The following ASXL1 variants were observed in gnomAD, a reference collection of about 807,000 sequenced individuals.
ASXL1 encodes the protein polycomb group protein ASXL1.
ASXL1 carries 65 observed loss-of-function variants against 89.1 expected under a neutral mutation model. The ratio of observed to expected loss-of-function variants is 0.73; its 90% CI spans 0.60 to 0.90. The LOEUF (loss-of-function observed/expected upper bound fraction) is 0.90, where lower values mean the gene tolerates loss of function less well. ASXL1 is among the 40% of genes least tolerant of loss of function. The pLI, the probability that ASXL1 is intolerant of heterozygous loss-of-function variation, is 0.00. For synonymous variants in ASXL1, 739 were observed against 746.9 expected (o/e 0.99, Z 0.17); for missense variants, 1,786 against 1,942.9 (o/e 0.92, Z 1.52).
chr20:32,382,122 ATTTTTATTTTTTAT>A (rs1054497690), intron 4 of ASXL1, among the ~76,000 whole-genome samples: 2 of 151,400 alleles, frequency 1.3e-5, no homozygotes, highest in African/African-American at 2.4e-5. Flanking sequence ...AGGCCTGGCT[ATTTTTATTTTTTAT>A]TTTTTATTTT....
At position 32,418,809 on chromosome 20, in the gene ASXL1, C is replaced by CTTTTTTTTTTTTTTT. The variant is rs71338437; in HGVS notation, c.253-9292_253-9278dup. ...AAATCAAAATGGGAAGAATTGACAT[C>CTTTTTTTTTTTTTTT]TTTTTTTTTTTTTTTTTTTTTTTTT... On this transcript the variant is annotated intron_variant, in intron 4 of 12. Transcript: ENST00000375687. Among the ~76,000 whole-genome samples, 5 of 55,748 alleles carry CTTTTTTTTTTTTTTT rather than the reference C, an allele frequency of 9.0e-5. 1 individual carries two copies. Among genetic ancestry groups the CTTTTTTTTTTTTTTT allele is most frequent in the African/African-American group, 2.7e-4 (4 of 14,850 alleles). 36.6% of individuals were successfully genotyped at this position (55,748 alleles called of 152,430 possible). A position where few individuals can be genotyped will look rare whatever the true frequency, so the allele number is the denominator to read the frequency against.
rs534296835 is a variant in ASXL1, at chr20:32,439,049, G to A, written c.*1711G>A. ...TCATTTAATCTGATGTGGCATTTTC[G>A]TCATCTGAAGCATGAGTGACAAGTT... is the stretch of plus-strand genomic sequence containing the variant. On this transcript the variant is annotated 3_prime_UTR_variant, in exon 13 of 13. Coordinates refer to ENST00000375687, the MANE Select transcript of ASXL1 (RefSeq NM_015338.6). 1.1e-4 allele frequency: 26 copies of A among 233,350 alleles called. No homozygotes were observed. Among genetic ancestry groups the A allele is most frequent in the South Asian group, 3.6e-4 (2 of 5,530 alleles). 14.5% of individuals were successfully genotyped at this position (233,350 alleles called of 1,614,324 possible).
intron 4 of ASXL1, among the ~76,000 whole-genome samples, chr20:32,397,207 GC>G (rs138990094): frequency 0.33 from 29,485 of 89,820 alleles, 7,669 homozygotes; most frequent in East Asian, 0.72. Flanking sequence ...CCCATGCCTG[GC>G]CTTTTTTTTT....
intron 1 of ASXL1, chr20:32,359,038 C>T (rs2048062762): frequency 4.9e-6 from 3 of 616,944 alleles, no homozygotes; most frequent in East Asian, 2.8e-5. Flanking sequence ...TCCGCTCGCC[C>T]TCGCGCCCCC....
intron 4 of ASXL1, among the ~76,000 whole-genome samples, chr20:32,382,448 T>G (rs1039752727): frequency 6.6e-6 from 1 of 152,050 alleles, no homozygotes; most frequent in Non-Finnish European, 1.5e-5. Flanking sequence ...ATATTATTCC[T>G]GTTAGAGTTT....
chr20:32,378,158 T>TTTTGTGTG (rs2048421070), intron 4 of ASXL1, among the ~76,000 whole-genome samples: 2 of 130,226 alleles, frequency 1.5e-5, no homozygotes, highest in South Asian at 2.6e-4. Flanking sequence ...GCTGAGTAAT[T>TTTTGTGTG]TGTGTGTGTG....
Position 32,433,919 on chromosome 20 carries a change from TA to T in ASXL1, c.1719+3del. 6.2e-7 allele frequency: 1 copy of T among 1,612,304 alleles called. No individual in the cohort carries two copies. Among genetic ancestry groups the T allele is most frequent in the Admixed American group, 1.7e-5 (1 of 60,008 alleles). ...GAGCCCAAAGTCCCGCCCATCCGGG[TA>T]GGAGACTGTTTGATTCCTGGCTGCC... On this transcript the variant is annotated splice_donor_region_variant and intron_variant, in intron 12 of 12. Transcript: ENST00000375687.
At chr20:32,359,490 C>A in intron 1 of ASXL1, 1 of 656,504 alleles carries the variant, frequency 1.5e-6, no homozygotes, top group Admixed American at 2.3e-5. Flanking sequence ...TGGGATAGAG[C>A]CTGGGAATCT....
At chr20:32,409,149 A>G (rs1335734712) in intron 4 of ASXL1, among the ~76,000 whole-genome samples, 1 of 151,670 alleles carries the variant, frequency 6.6e-6, no homozygotes, top group Non-Finnish European at 1.5e-5. Flanking sequence ...AATTTTTTGT[A>G]TTTTTAGTAG....
chr20:32,431,301 C>G lies in ASXL1; in HGVS notation c.719-20C>G. On this transcript the variant is annotated intron_variant, in intron 8 of 12. Transcript: ENST00000375687. ...TTCTTTTAAAAAGCTGAAATCTATA[C>G]CTTGCTTCAAAAATCATAGGTCAAA... 4.3e-6 allele frequency: 7 copies of G among 1,614,126 alleles called. No homozygotes were observed. The highest frequency in any genetic ancestry group is 5.9e-6 in the Non-Finnish European group (7 of 1,180,028).
At chr20:32,372,193 C>G in intron 4 of ASXL1, 1 of 1,343,760 alleles carries the variant, frequency 7.4e-7, no homozygotes, top group Non-Finnish European at 9.8e-7. Context: ...GCCCCTTCAT[C>G]TTAATTTTAA....
Position 32,358,585 on chromosome 20 carries a change from C to T in ASXL1, c.-191C>T, listed in dbSNP as rs1302530833. On this transcript the variant is annotated 5_prime_UTR_variant, in exon 1 of 13. Coordinates refer to ENST00000375687, the MANE Select transcript of ASXL1 (RefSeq NM_015338.6). Reference sequence around the variant, plus strand: ...GCGCGTGGAGCCGCCGCCGCCCCTCCCCCACCGCCGCTCTCGCGCCAGCCG... The same window carrying T: ...GCGCGTGGAGCCGCCGCCGCCCCTCTCCCACCGCCGCTCTCGCGCCAGCCG... The T allele has an allele frequency of 1.8e-4, 35 of 195,534 alleles. No homozygotes were observed. The highest frequency in any genetic ancestry group is 3.2e-4 in the Non-Finnish European group (31 of 95,640). The allele number at this position is 195,534 out of a possible 1,614,324, so 12.1% of individuals were successfully genotyped here. A position where few individuals can be genotyped will look rare whatever the true frequency, so the allele number is the denominator to read the frequency against.
intron 3 of ASXL1, among the ~76,000 whole-genome samples, chr20:32,368,795 C>T (rs566206534): frequency 4.6e-5 from 7 of 152,208 alleles, no homozygotes; most frequent in Admixed American, 3.3e-4. Context: ...TTATGGATTT[C>T]GGGTATCACA....
chr20:32,378,632 GT>G (rs1281417847), intron 4 of ASXL1, among the ~76,000 whole-genome samples: 1 of 152,014 alleles, frequency 6.6e-6, no homozygotes, highest in East Asian at 1.9e-4. Flanking sequence ...GATTTGTATT[GT>G]TTTTTTACAC....
chr20:32,383,075 A>T (rs904943326), intron 4 of ASXL1, among the ~76,000 whole-genome samples: 1 of 152,174 alleles, frequency 6.6e-6, no homozygotes, highest in East Asian at 1.9e-4. Context: ...ATTTCTTTTC[A>T]TTATGCCAAT....
intron 4 of ASXL1, among the ~76,000 whole-genome samples, chr20:32,421,481 C>T (rs1315833724): frequency 6.6e-6 from 1 of 151,936 alleles, no homozygotes; most frequent in African/African-American, 2.4e-5. Flanking sequence ...ATAAAGTTAG[C>T]TTTCATCCAT....
chr20:32,414,259 T>C (rs2049098580), intron 4 of ASXL1, among the ~76,000 whole-genome samples: 1 of 152,082 alleles, frequency 6.6e-6, no homozygotes, highest in South Asian at 2.1e-4. Flanking sequence ...TTTCTTCCTC[T>C]GGACCTTCTA....
rs2145361034 is a variant in ASXL1 at position 32,434,736 on chromosome 20, C to G, written c.2024C>G (p.Pro675Arg). ...GATGGTGGTGAGGCCTGTGGCCACC[C>G]TGAGCCCAGGGGAGGCCCGAGCACC... The part of the protein sequence containing the change: ...SGDGGEACGH[P>R]EPRGGPSTPG... The change falls in exon 13 of 13, where the codon CCT (proline) becomes CGT (arginine). Residue 675 changes from proline to arginine, a missense_variant. This residue lies in a region of ASXL1 where 1,418 missense variants were observed against 1,427.8 expected (regional missense o/e 0.99). Coordinates refer to ENST00000375687, the MANE Select transcript of ASXL1 (RefSeq NM_015338.6). The G allele has an allele frequency of 6.2e-7, 1 of 1,612,746 alleles. No homozygotes were observed. The highest frequency in any genetic ancestry group is 8.5e-7 in the Non-Finnish European group (1 of 1,179,716).
In ASXL1 at chr20:32,429,053, G is replaced by A; in HGVS notation, c.472-285G>A. 1 of 433,506 alleles carries A rather than the reference G, an allele frequency of 2.3e-6. No homozygotes were observed. Among genetic ancestry groups the A allele is most frequent in the South Asian group, 2.1e-5 (1 of 48,190 alleles). 26.9% of individuals were successfully genotyped at this position (433,506 alleles called of 1,614,324 possible). On this transcript the variant is annotated intron_variant, in intron 6 of 12. Transcript: ENST00000375687. This position sits in a 1 kb window ranked among gnomAD's most constrained non-coding sequence, Gnocchi z 4.9. The stretch of plus-strand genomic sequence containing the variant: ...GAGAACAGGAGATTGGGAGTGAGCA[G>A]TTTGAATGATAACCCTGCACTTACT...
Sources: gnomAD v4.1 joint callset for allele counts (sites outside exome capture counted in the v4.1 genomes callset) on GRCh38, gnomAD v4.1.1 for gene constraint, gnomAD v4.1.1 regional missense constraint, Gnocchi (gnomAD v3.1) non-coding constraint, MANE v1.5 for transcripts, NCBI Gene and HGNC (gene_info 2026-07-23, HGNC 2026-07-21) for gene names.